The following TCF4 variants were observed in gnomAD, a reference collection of about 807,000 sequenced individuals.
TCF4 encodes transcription factor 4.
Under a neutral mutation model 82.1 loss-of-function variants are expected in TCF4, and 3 were observed. That is an observed-to-expected ratio of 0.04 (90% confidence interval 0.02 to 0.09). The LOEUF is 0.09. TCF4 is among the 10% of genes least tolerant of loss of function. The pLI is 1.00. For synonymous variants in TCF4, 276 were observed against 309.6 expected, an observed-to-expected ratio of 0.89 and a Z score of 1.14; for missense variants, 518 against 852.7, an observed-to-expected ratio of 0.61 and a Z score of 4.89.
At chr18:55,401,464 A>T in intron 6 of TCF4, 1 of 998,538 alleles carries the variant, frequency 1.0e-6, no homozygotes, top group Non-Finnish European at 1.2e-6. Flanking sequence ...CTATATACAA[A>T]AGAATTTTCC....
intron 8 of TCF4, among the ~76,000 whole-genome samples, chr18:55,315,276 A>G (rs1233068544): frequency 6.6e-6 from 1 of 152,166 alleles, no homozygotes; most frequent in Non-Finnish European, 1.5e-5. Context: ...TCTCCTAAAC[A>G]GAATGTTAGA....
intron 2 of TCF4, among the ~76,000 whole-genome samples, chr18:55,600,056 T>A (rs2097695231): frequency 6.6e-6 from 1 of 152,216 alleles, no homozygotes; most frequent in Non-Finnish European, 1.5e-5. Context: ...AGGCTGTTTT[T>A]TTTTATTGCT....
chr18:55,467,868 T>C (rs1370773666), intron 3 of TCF4, among the ~76,000 whole-genome samples: 1 of 152,206 alleles, frequency 6.6e-6, no homozygotes, highest in Non-Finnish European at 1.5e-5. Context: ...TGTCAGACAC[T>C]GCGCTAAACT....
intron 8 of TCF4, among the ~76,000 whole-genome samples, chr18:55,313,487 C>T (rs2073178257): frequency 6.6e-6 from 1 of 152,008 alleles, no homozygotes; most frequent in East Asian, 1.9e-4. Flanking sequence ...CTCTCCCTTC[C>T]CCTTCAATCC....
At chr18:55,629,454 T>C (rs2097729565) in intron 2 of TCF4, among the ~76,000 whole-genome samples, 1 of 152,190 alleles carries the variant, frequency 6.6e-6, no homozygotes, top group Non-Finnish European at 1.5e-5. Context: ...ATCATAAACA[T>C]AATACCAGGA....
chr18:55,483,703 T>C (rs1315518224), intron 3 of TCF4, among the ~76,000 whole-genome samples: 1 of 152,234 alleles, frequency 6.6e-6, no homozygotes, highest in Non-Finnish European at 1.5e-5. Context: ...AAAACAACTG[T>C]TACCTCTACA....
chr18:55,389,620 G>T (rs2092907706), intron 6 of TCF4, among the ~76,000 whole-genome samples: 1 of 152,150 alleles, frequency 6.6e-6, no homozygotes, highest in Non-Finnish European at 1.5e-5. Flanking sequence ...GGAACTGCAA[G>T]CAGCTCAGTA....
intron 8 of TCF4, among the ~76,000 whole-genome samples, chr18:55,334,236 T>C (rs940014126): frequency 6.6e-6 from 1 of 152,202 alleles, no homozygotes; most frequent in Non-Finnish European, 1.5e-5. Flanking sequence ...AGTAAAAGCA[T>C]TATTCTTAAT....
chr18:55,493,469 A>G (rs1308783380), intron 3 of TCF4, among the ~76,000 whole-genome samples: 2 of 152,156 alleles, frequency 1.3e-5, no homozygotes. Context: ...ATGCTGGTCT[A>G]CATTATTCTT....
intron 3 of TCF4, among the ~76,000 whole-genome samples, chr18:55,475,120 T>C (rs1603510086): frequency 6.6e-6 from 1 of 152,262 alleles, no homozygotes; most frequent in African/African-American, 2.4e-5. Flanking sequence ...TAATCCATAT[T>C]CCAATAGGGA....
intron 8 of TCF4, among the ~76,000 whole-genome samples, chr18:55,306,470 T>C (rs1356430044): frequency 3.3e-5 from 5 of 152,232 alleles, no homozygotes; most frequent in Non-Finnish European, 5.9e-5. Flanking sequence ...TCAGTTTTAA[T>C]TGACCACTAA....
intron 8 of TCF4, among the ~76,000 whole-genome samples, chr18:55,339,609 C>A (rs1252237543): frequency 6.6e-6 from 1 of 152,194 alleles, no homozygotes; most frequent in African/African-American, 2.4e-5. Flanking sequence ...CCTGGTTTTT[C>A]TGCAAATTAA....
intron 2 of TCF4, among the ~76,000 whole-genome samples, chr18:55,611,555 A>G (rs1425196763): frequency 6.6e-6 from 1 of 152,240 alleles, no homozygotes; most frequent in Non-Finnish European, 1.5e-5. Context: ...TTGTCATAAC[A>G]AAAAGCATAA....
rs1186105014 is a variant in TCF4 at position 55,611,784 on chromosome 18, T to A, written c.286+19514A>T. On this transcript the variant is annotated intron_variant, in intron 2 of 20. Transcript: ENST00000398339. ...AATATTTTTATTTATTTATTTATTT[T>A]TTGAGACGGAGTGTTGCTCTGTTAC... Among the ~76,000 whole-genome samples, 6 of 152,176 alleles carry A rather than the reference T, an allele frequency of 3.9e-5. No individual in the cohort carries two copies. In the East Asian group the frequency reaches 1.2e-3, roughly 29 times the overall value.
At chr18:55,483,240 T>C (rs1182891265) in intron 3 of TCF4, among the ~76,000 whole-genome samples, 1 of 152,182 alleles carries the variant, frequency 6.6e-6, no homozygotes, top group Non-Finnish European at 1.5e-5. Flanking sequence ...TCCTGTGACT[T>C]TGAGAAGAAT....
At position 55,362,382 on chromosome 18, in the gene TCF4, G is replaced by A. The variant is rs976810796; in HGVS notation, c.370-11379C>T. 2.0e-4 allele frequency among the ~76,000 whole-genome samples: 19 copies of A among 94,096 alleles called. No homozygotes were observed. In the South Asian group the frequency reaches 3.4e-3, roughly 17 times the overall value. 61.7% of individuals were successfully genotyped at this position (94,096 alleles called of 152,430 possible). On this transcript the variant is annotated intron_variant, in intron 6 of 19. Coordinates refer to ENST00000354452, the MANE Select transcript of TCF4 (RefSeq NM_001083962.2). ...GGAAGGAAGGAAGGAAGGAAGGAAG[G>A]AAGGAAGGAAAGAAGGAAGGAAGGA...
At chr18:55,455,541 A>G (rs1056245295) in intron 5 of TCF4, among the ~76,000 whole-genome samples, 7 of 150,542 alleles carry the variant, frequency 4.6e-5, no homozygotes. Context: ...AAAAAAAAAA[A>G]AAAAAAGAAG....
intron 2 of TCF4, among the ~76,000 whole-genome samples, chr18:55,621,153 C>A (rs1283507839): frequency 6.6e-6 from 1 of 151,540 alleles, no homozygotes; most frequent in African/African-American, 2.4e-5. Context: ...CATATAGTTA[C>A]ACTAGCTGTG....
At chr18:55,302,435 T>C (rs1415800875) in intron 8 of TCF4, 2 of 1,536,306 alleles carry the variant, frequency 1.3e-6, no homozygotes, top group Admixed American at 2.0e-5. Flanking sequence ...CCCTTCGTGG[T>C]CCAGGCAACA....
Sources: allele counts gnomAD v4.1 joint callset (sites outside exome capture counted in the v4.1 genomes callset), GRCh38; gene constraint gnomAD v4.1.1; transcripts MANE v1.5; gene names NCBI Gene and HGNC (gene_info 2026-07-23, HGNC 2026-07-21).